The following ALKAL1 variants were observed in gnomAD, a reference collection of about 807,000 sequenced individuals.
ALKAL1 encodes AUG-beta.
In ALKAL1, 23 loss-of-function variants were observed where a neutral mutation model predicts 13.5. The observed-to-expected ratio is 1.70, with a 90% confidence interval of 1.23 to 2.41. ALKAL1 has a LOEUF of 2.41. ALKAL1 is among the 30% of genes most tolerant of loss of function. The pLI is 0.00. For missense variants in ALKAL1, 181 were observed against 178.4 expected, an observed-to-expected ratio of 1.01 and a Z score of -0.08; for synonymous variants, 85 against 77.7, an observed-to-expected ratio of 1.09 and a Z score of -0.49.
At position 52,534,609 on chromosome 8, in the gene ALKAL1, G is replaced by C; in HGVS notation, c.*13-9C>G. ...ACATTCTTAGGAAATGTCTGTGGGGGTAAAAGAAGAGCCATATCATTTATG... is the reference window on the plus strand; with the variant it reads ...ACATTCTTAGGAAATGTCTGTGGGGCTAAAAGAAGAGCCATATCATTTATG... On this transcript the variant is annotated splice_polypyrimidine_tract_variant and intron_variant, in intron 4 of 4. Transcript: ENST00000358543. 1.7e-6 allele frequency: 1 copy of C among 595,188 alleles called. No homozygotes were observed. 36.9% of individuals were successfully genotyped at this position (595,188 alleles called of 1,614,324 possible).
At chr8:52,563,422 A>G (rs574735169) in intron 1 of ALKAL1, among the ~76,000 whole-genome samples, 1 of 152,230 alleles carries the variant, frequency 6.6e-6, no homozygotes, top group East Asian at 1.9e-4. Flanking sequence ...CAGGAGCGAA[A>G]CTCCGTCTCT....
At chr8:52,551,877 T>C (rs1847434209) in intron 1 of ALKAL1, among the ~76,000 whole-genome samples, 1 of 152,214 alleles carries the variant, frequency 6.6e-6, no homozygotes, top group Non-Finnish European at 1.5e-5. Context: ...CAGTTTTAGA[T>C]GCACAGAAAA....
At position 52,552,466 on chromosome 8, in the gene ALKAL1, T is replaced by C. The variant is rs181584564; in HGVS notation, c.191-10021A>G. ...GGAGGTCACTATGCTCAGCCCACAC[T>C]TGAGGACTGGGGAGTTGTGTCCCTT... is the stretch of plus-strand genomic sequence containing the variant. On this transcript the variant is annotated intron_variant, in intron 1 of 4. Coordinates refer to ENST00000358543, the MANE Select transcript of ALKAL1 (RefSeq NM_207413.4). Among the ~76,000 whole-genome samples the C allele has an allele frequency of 6.6e-3, 1,007 of 152,278 alleles. 9 individuals are homozygous for C. The highest frequency in any genetic ancestry group is 0.023 in the African/African-American group (954 of 41,548).
At chr8:52,555,989 A>T (rs1321270805) in intron 1 of ALKAL1, among the ~76,000 whole-genome samples, 1 of 152,160 alleles carries the variant, frequency 6.6e-6, no homozygotes, top group African/African-American at 2.4e-5. Flanking sequence ...ATGGTGGTAG[A>T]TCCTGCATGG....
At chr8:52,561,324 G>A (rs532311491) in intron 1 of ALKAL1, among the ~76,000 whole-genome samples, 1 of 152,088 alleles carries the variant, frequency 6.6e-6, no homozygotes, top group Non-Finnish European at 1.5e-5. Context: ...GGGGATATTT[G>A]CAAAGTGAAT....
At chr8:52,545,098 T>C (rs1399200437) in intron 1 of ALKAL1, among the ~76,000 whole-genome samples, 1 of 151,868 alleles carries the variant, frequency 6.6e-6, no homozygotes, top group Admixed American at 6.6e-5. Context: ...TTTTTAATAA[T>C]AAAAAACAAT....
chr8:52,553,393 A>G (rs1350511600), intron 1 of ALKAL1, among the ~76,000 whole-genome samples: 1 of 152,204 alleles, frequency 6.6e-6, no homozygotes, highest in African/African-American at 2.4e-5. Flanking sequence ...TTCACTGATT[A>G]TAAGAACTTC....
chr8:52,556,612 A>G (rs1388377982), intron 1 of ALKAL1, among the ~76,000 whole-genome samples: 1 of 126,698 alleles, frequency 7.9e-6, no homozygotes, highest in Non-Finnish European at 1.6e-5. Flanking sequence ...GCGCCACTGC[A>G]CTCCAGCCTG....
chr8:52,553,469 A>G (rs1480337163), intron 1 of ALKAL1, among the ~76,000 whole-genome samples: 1 of 152,200 alleles, frequency 6.6e-6, no homozygotes, highest in African/African-American at 2.4e-5. Context: ...TCTGTACTCA[A>G]CTGTGCCCTA....
At chr8:52,545,889 C>T (rs1847364057) in intron 1 of ALKAL1, among the ~76,000 whole-genome samples, 1 of 152,168 alleles carries the variant, frequency 6.6e-6, no homozygotes, top group Admixed American at 6.5e-5. Context: ...TTAGGAGATT[C>T]CTCCATTGTG....
rs187488941 is a variant in ALKAL1 at position 52,550,795 on chromosome 8, A to C, written c.191-8350T>G. On this transcript the variant is annotated intron_variant, in intron 1 of 4. Transcript: ENST00000358543. The stretch of plus-strand genomic sequence containing the variant: ...ACATGGAGTTCTCCTGTGTCTCTCT[A>C]TCTTCCCATGGCCATCATCTTATTA... Among the ~76,000 whole-genome samples the C allele has an allele frequency of 3.6e-4, 55 of 152,146 alleles. 1 individual carries two copies. Among genetic ancestry groups the C allele is most frequent in the African/African-American group, 1.3e-3 (54 of 41,492 alleles).
intron 4 of ALKAL1, among the ~76,000 whole-genome samples, chr8:52,537,125 C>CA (rs1328609295): frequency 6.6e-5 from 10 of 151,752 alleles, no homozygotes; most frequent in South Asian, 4.1e-4. Context: ...AATTAAACAG[C>CA]AAAAAACAGA....
At chr8:52,562,433 G>C (rs780597249) in intron 1 of ALKAL1, among the ~76,000 whole-genome samples, 1 of 152,124 alleles carries the variant, frequency 6.6e-6, no homozygotes, top group Non-Finnish European at 1.5e-5. Flanking sequence ...ATGAGAGGAC[G>C]GATACAGGCA....
chr8:52,537,396 T>C (rs1468978136), intron 4 of ALKAL1, among the ~76,000 whole-genome samples: 1 of 152,190 alleles, frequency 6.6e-6, no homozygotes, highest in Non-Finnish European at 1.5e-5. Flanking sequence ...ACAGCCATTA[T>C]GAACAACAGT....
intron 1 of ALKAL1, among the ~76,000 whole-genome samples, chr8:52,547,049 C>T (rs1052395091): frequency 6.6e-6 from 1 of 152,182 alleles, no homozygotes; most frequent in African/African-American, 2.4e-5. Flanking sequence ...GATATTTTTC[C>T]ATGCACACCC....
At chr8:52,542,047 C>T (rs955759385) in intron 2 of ALKAL1, among the ~76,000 whole-genome samples, 2 of 152,166 alleles carry the variant, frequency 1.3e-5, no homozygotes, top group South Asian at 2.1e-4. Flanking sequence ...TCATGGCTTA[C>T]TCAATGCACT....
At position 52,553,460 on chromosome 8, in the gene ALKAL1, CTG is replaced by C. The variant is rs778419249; in HGVS notation, c.191-11017_191-11016del. ...ACACATAGTCATATCAAATCAGACTCTGTACTCAACTGTGCCCTATGTCCTCT... is the reference window on the plus strand; with the variant it reads ...ACACATAGTCATATCAAATCAGACTCTACTCAACTGTGCCCTATGTCCTCT... On this transcript the variant is annotated intron_variant, in intron 1 of 4. Transcript: ENST00000358543. Among the ~76,000 whole-genome samples the C allele has an allele frequency of 3.2e-4, 49 of 152,322 alleles. 1 individual carries two copies. The highest frequency in any genetic ancestry group is 1.0e-3 in the African/African-American group (42 of 41,576).
In ALKAL1 at chr8:52,551,259, T is replaced by C. The variant is rs1256608352; in HGVS notation, c.191-8814A>G. Among the ~76,000 whole-genome samples the C allele has an allele frequency of 2.0e-5, 3 of 152,144 alleles. No individual in the cohort carries two copies. In the East Asian group the frequency reaches 5.8e-4, roughly 29 times the overall value. The stretch of plus-strand genomic sequence containing the variant: ...AAAGACCCACCTACAAAGAATATCC[T>C]GACTGAAAAACTTCCGAAAATAGAA... On this transcript the variant is annotated intron_variant, in intron 1 of 4. Coordinates refer to ENST00000358543, the MANE Select transcript of ALKAL1 (RefSeq NM_207413.4).
rs1847519835 is a variant in ALKAL1 at position 52,559,640 on chromosome 8, C to T, written c.190+5427G>A. Among the ~76,000 whole-genome samples the T allele has an allele frequency of 3.9e-5, 6 of 152,292 alleles. No individual in the cohort carries two copies. In the South Asian group the frequency reaches 1.2e-3, roughly 32 times the overall value. On this transcript the variant is annotated intron_variant, in intron 1 of 4. Transcript: ENST00000358543. ...CAAGAATTACATTTGAAACTTGCCT[C>T]TCAGCTGGTTCTGAAACAGATGATC...
Sources: gnomAD v4.1 joint callset for allele counts (sites outside exome capture counted in the v4.1 genomes callset) on GRCh38, gnomAD v4.1.1 for gene constraint, MANE v1.5 for transcripts, NCBI Gene and HGNC (gene_info 2026-07-23, HGNC 2026-07-21) for gene names.